Variants in NCOA2 observed in about 807,000 individuals in gnomAD.
NCOA2 encodes the protein nuclear receptor coactivator 2.
Under a neutral mutation model 145.1 loss-of-function variants are expected in NCOA2, and 21 were observed. The observed-to-expected ratio is 0.14, with a 90% CI of 0.10 to 0.21. NCOA2 has a LOEUF of 0.21. Among genes scored for constraint, NCOA2 ranks in the 10% least tolerant of loss-of-function variants. The probability of loss-of-function intolerance (pLI) is 1.00; values close to 1 mark genes in which losing one functional copy is unlikely to be tolerated. For missense variants in NCOA2, 1,472 were observed against 1,837.6 expected (o/e 0.80, Z 3.64); for synonymous variants, 619 against 637.5 (o/e 0.97, Z 0.44).
intron 1 of NCOA2, among the ~76,000 whole-genome samples, chr8:70,312,825 T>C (rs982755710): frequency 4.6e-5 from 7 of 151,888 alleles, no homozygotes; most frequent in Admixed American, 2.0e-4. Context: ...AAAAATCTTC[T>C]CGTAATCTTA....
At chr8:70,118,770 C>T (rs2131287115) in intron 22 of NCOA2, among the ~76,000 whole-genome samples, 1 of 150,770 alleles carries the variant, frequency 6.6e-6, no homozygotes, top group South Asian at 2.1e-4. Flanking sequence ...CTCACTACAA[C>T]TTCCGCCTCC....
chr8:70,340,016 G>C (rs1807981651), intron 1 of NCOA2, among the ~76,000 whole-genome samples: 1 of 152,124 alleles, frequency 6.6e-6, no homozygotes, highest in African/African-American at 2.4e-5. Flanking sequence ...ATACCATTCA[G>C]GACATAAGCA....
At chr8:70,138,128 C>T (rs1283037548) in intron 15 of NCOA2, 75 bp downstream of exon 15, 52 of 1,487,830 alleles carry the variant, frequency 3.5e-5, no homozygotes, top group Middle Eastern at 1.8e-4. Flanking sequence ...GGTCAGGCAC[C>T]GACTACTCCA....
At chr8:70,139,917 T>C (rs1810187956) in intron 14 of NCOA2, among the ~76,000 whole-genome samples, 1 of 152,132 alleles carries the variant, frequency 6.6e-6, no homozygotes, top group South Asian at 2.1e-4. Flanking sequence ...CCTCCCACAG[T>C]GCCTGGCATC....
chr8:70,455,238 G>GT, the NCOA2 span, among the ~76,000 whole-genome samples: 3 of 152,218 alleles, frequency 2.0e-5, no homozygotes, highest in African/African-American at 7.2e-5. Flanking sequence ...TTTATAATGT[G>GT]TAAGTGTTTC....
rs528866921 is a variant in NCOA2 at position 70,319,577 on chromosome 8, AT to A, written c.-76-22778del. On this transcript the variant is annotated intron_variant, in intron 1 of 22. Coordinates refer to ENST00000452400, the MANE Select transcript of NCOA2 (RefSeq NM_006540.4). ...AAATAAATAAATAAATAAAAGCTCT[AT>A]TTAGCTGGCTTTTAAAAAGTGATGC... Among the ~76,000 whole-genome samples, 501 of 151,724 alleles carry A rather than the reference AT, an allele frequency of 3.3e-3. 3 individuals carry two copies. Among genetic ancestry groups the A allele is most frequent in the African/African-American group, 0.011 (474 of 41,410 alleles).
intron 4 of NCOA2, among the ~76,000 whole-genome samples, chr8:70,206,711 T>A (rs1818478891): frequency 6.6e-6 from 1 of 152,212 alleles, no homozygotes; most frequent in African/African-American, 2.4e-5. Context: ...TATCTAGCTC[T>A]GACTTGCCCT....
chr8:70,390,599 T>C (rs994286409), intron 1 of NCOA2, among the ~76,000 whole-genome samples: 3 of 147,292 alleles, frequency 2.0e-5, no homozygotes, highest in African/African-American at 2.6e-5. Context: ...CCTATCTCTA[T>C]AGAGAAAAAA....
At chr8:70,356,551 T>C (rs767116545) in intron 1 of NCOA2, among the ~76,000 whole-genome samples, 6 of 152,220 alleles carry the variant, frequency 3.9e-5, no homozygotes, top group Admixed American at 1.3e-4. Flanking sequence ...CATATTTTAA[T>C]TCTAACGGTG....
chr8:70,122,465 C>CA (rs1807935039), intron 21 of NCOA2, among the ~76,000 whole-genome samples: 1 of 151,950 alleles, frequency 6.6e-6, no homozygotes, highest in African/African-American at 2.4e-5. Flanking sequence ...CTATGTTGCC[C>CA]AGACTGGTCT....
chr8:70,148,188 G>A, intron 12 of NCOA2, 85 bp downstream of exon 12: 1 of 1,330,042 alleles, frequency 7.5e-7, no homozygotes, highest in Non-Finnish European at 1.1e-6. Flanking sequence ...TGACTAAGCT[G>A]GTTGCATCAG....
At chr8:70,144,607 C>G in intron 13 of NCOA2, 35 bp downstream of exon 13, 4 of 1,529,668 alleles carry the variant, frequency 2.6e-6, no homozygotes, top group Non-Finnish European at 3.6e-6. Flanking sequence ...ATTAAATAAC[C>G]CACCAATAAA....
At position 70,162,873 on chromosome 8, in the gene NCOA2, C is replaced by T. The variant is rs1208616608; in HGVS notation, c.833-19G>A. The T allele has an allele frequency of 7.1e-6, 11 of 1,542,518 alleles. No homozygotes were observed. Among genetic ancestry groups the T allele is most frequent in the Non-Finnish European group, 9.7e-6 (11 of 1,128,296 alleles). ...ATCTTGCCTATTAAGTAACAGCAGG[C>T]ATTATACCTACATGTTGATCTATTC... On this transcript the variant is annotated intron_variant, in intron 8 of 22. Transcript: ENST00000452400.
At chr8:70,280,665 C>T (rs1825803171) in intron 2 of NCOA2, among the ~76,000 whole-genome samples, 1 of 152,076 alleles carries the variant, frequency 6.6e-6, no homozygotes. Flanking sequence ...GAAATTGAGA[C>T]ATCATCTGTG....
At chr8:70,380,406 C>A (rs760582767) in intron 1 of NCOA2, among the ~76,000 whole-genome samples, 6 of 152,138 alleles carry the variant, frequency 3.9e-5, no homozygotes, top group Non-Finnish European at 5.9e-5. Context: ...CTCACACACA[C>A]ACATACTTTA....
At chr8:70,415,792 A>G in the NCOA2 span, among the ~76,000 whole-genome samples, 1 of 152,238 alleles carries the variant, frequency 6.6e-6, no homozygotes, top group Non-Finnish European at 1.5e-5. Flanking sequence ...TCTTCACTTC[A>G]AGAACTCTGC....
chr8:70,333,117 ACCTTCATCCAC>A (rs1334752931), intron 1 of NCOA2, among the ~76,000 whole-genome samples: 1 of 152,118 alleles, frequency 6.6e-6, no homozygotes, highest in Non-Finnish European at 1.5e-5. Context: ...TTTTCACCCT[ACCTTCATCCAC>A]CCCATTATGT....
At chr8:70,241,446 G>A (rs1028376419) in intron 2 of NCOA2, among the ~76,000 whole-genome samples, 12 of 151,856 alleles carry the variant, frequency 7.9e-5, no homozygotes, top group South Asian at 2.1e-4. Context: ...TTTTCAATGC[G>A]GACCGAATAC....
intron 2 of NCOA2, among the ~76,000 whole-genome samples, chr8:70,291,447 A>C (rs1826672340): frequency 6.6e-6 from 1 of 152,240 alleles, no homozygotes; most frequent in South Asian, 2.1e-4. Context: ...CTCCCACAGT[A>C]AAGTGGCTCT....
Sources: gnomAD v4.1 joint callset for allele counts (sites outside exome capture counted in the v4.1 genomes callset) on GRCh38, gnomAD v4.1.1 for gene constraint, MANE v1.5 for transcripts, NCBI Gene and HGNC (gene_info 2026-07-23, HGNC 2026-07-21) for gene names.